The following SLC26A8 variants were observed in gnomAD, a reference collection of about 807,000 sequenced individuals.
SLC26A8 encodes the protein testis anion transporter 1.
SLC26A8 carries 70 observed loss-of-function variants against 105.0 expected under a neutral mutation model. That is an observed-to-expected ratio of 0.67 (90% confidence interval 0.55 to 0.81). The LOEUF (loss-of-function observed/expected upper bound fraction) is 0.81. Among genes scored for constraint, SLC26A8 ranks in the 40% least tolerant of loss-of-function variants. SLC26A8 has a pLI of 0.00. For missense variants in SLC26A8, 998 were observed against 1,181.8 expected (o/e 0.84, Z 2.28); for synonymous variants, 415 against 438.3 (o/e 0.95, Z 0.66).
intron 7 of SLC26A8, chr6:35,989,628 A>T (rs1262617766): frequency 6.6e-6 from 1 of 152,190 alleles, no homozygotes; most frequent in Non-Finnish European, 1.5e-5. Context: ...ATGTTCTAGG[A>T]TCTTGGCAGC....
Position 35,955,368 on chromosome 6 carries a change from A to C in SLC26A8, c.2016T>G (p.Asn672Lys), listed in dbSNP as rs772505303. ...CCACCTCCTCATACTGTTGCCCTTGATTTTTCTGAGACACGGACGATACTG... is the reference window on the plus strand; with the variant it reads ...CCACCTCCTCATACTGTTGCCCTTGCTTTTTCTGAGACACGGACGATACTG... ...PYTVSSVSQK[N>K]QGQQYEEVEE... The change falls in exon 17 of 20, where the codon AAT becomes AAG. Residue 672 changes from asparagine to lysine, a missense_variant. By Grantham distance (94) the Asn-to-Lys change is moderately conservative (BLOSUM62 0). Transcript: ENST00000490799. The C allele has an allele frequency of 1.2e-6, 2 of 1,614,078 alleles. No individual in the cohort carries two copies. Among genetic ancestry groups the C allele is most frequent in the South Asian group, 1.1e-5 (1 of 91,078 alleles).
In SLC26A8 at chr6:35,981,570, T is replaced by C. The variant is rs1339722714; in HGVS notation, c.1025+551A>G. Among the ~76,000 whole-genome samples, 2 of 152,174 alleles carry C rather than the reference T, an allele frequency of 1.3e-5. No homozygotes were observed. Among genetic ancestry groups the C allele is most frequent in the East Asian group, 3.9e-4 (2 of 5,188 alleles). On this transcript the variant is annotated intron_variant, in intron 8 of 19. Coordinates refer to ENST00000490799, the MANE Select transcript of SLC26A8 (RefSeq NM_052961.4). The surrounding 1 kb of genome is among the most constrained non-coding windows in gnomAD (Gnocchi z 4.0). ...AGAGAGCTGAGGAGGGAGGATCACT[T>C]GAGCCTGAGAATTCAAGGCTGCAGT... is the stretch of plus-strand genomic sequence containing the variant.
chr6:36,011,210 T>C (rs1398470784), intron 3 of SLC26A8, among the ~76,000 whole-genome samples: 1 of 152,236 alleles, frequency 6.6e-6, no homozygotes, highest in Non-Finnish European at 1.5e-5. Flanking sequence ...TCTGTTTCCC[T>C]GGAAACCTTA....
intron 12 of SLC26A8, 126 bp from the exon 13 acceptor site, chr6:35,961,225 C>T (rs1044436797): frequency 5.5e-6 from 4 of 730,330 alleles, no homozygotes; most frequent in Non-Finnish European, 9.0e-6. Context: ...GGGAAATATT[C>T]CATAGCCACA....
rs1346947542 is a variant in SLC26A8, at chr6:35,961,046, T to G, written c.1515A>C (p.Gly505=). The G allele has an allele frequency of 6.2e-7, 1 of 1,614,002 alleles. No individual in the cohort carries two copies. Among genetic ancestry groups the G allele is most frequent in the South Asian group, 1.1e-5 (1 of 91,070 alleles). The change falls in exon 13 of 20, where the codon GGA becomes GGC. Residue 505 remains glycine, a synonymous_variant. Coordinates refer to ENST00000490799, the MANE Select transcript of SLC26A8 (RefSeq NM_052961.4). ...SSSIFLGLDI[G]LIISVVSAFF... is the part of the protein sequence containing the mutation. ...AAGCAGAAACTACTGAGATAATTAG[T>G]CCAATGTCCAGTCCCAGGAAAATTG...
Position 35,955,017 on chromosome 6 carries a change from G to A in SLC26A8, c.2232+135C>T, listed in dbSNP as rs1772001276. 5 of 924,592 alleles carry A rather than the reference G, an allele frequency of 5.4e-6. No homozygotes were observed. In the African/African-American group the frequency reaches 8.2e-5, roughly 15 times the overall value. 57.3% of individuals were successfully genotyped at this position (924,592 alleles called of 1,614,324 possible). On this transcript the variant is annotated intron_variant, in intron 17 of 19. Transcript: ENST00000490799. ...ATTGACCTTATATTGTACTGCCTTT[G>A]GTGTCCAAGGCTCTGGTGGCCTAGC...
At chr6:36,006,763 G>C (rs1761699576) in intron 3 of SLC26A8, among the ~76,000 whole-genome samples, 1 of 152,132 alleles carries the variant, frequency 6.6e-6, no homozygotes, top group Non-Finnish European at 1.5e-5. Context: ...TCTTTTTGCA[G>C]GAATGCAACT....
intron 5 of SLC26A8, among the ~76,000 whole-genome samples, chr6:35,993,580 A>G (rs921384299): frequency 6.6e-6 from 1 of 152,162 alleles, no homozygotes; most frequent in Admixed American, 6.5e-5. Flanking sequence ...GTTATATAGT[A>G]TATAATAAAA....
chr6:35,966,567 TA>T (rs997563057), intron 11 of SLC26A8, among the ~76,000 whole-genome samples: 9 of 152,218 alleles, frequency 5.9e-5, no homozygotes, highest in African/African-American at 1.7e-4. Flanking sequence ...AAAATTGGAA[TA>T]ATATTGAATA....
At position 36,024,615 on chromosome 6, in the gene SLC26A8, C is replaced by T. The variant is rs534357096; in HGVS notation, c.-114G>A. On this transcript the variant is annotated 5_prime_UTR_variant, in exon 1 of 20. Coordinates refer to ENST00000490799, the MANE Select transcript of SLC26A8 (RefSeq NM_052961.4). ...GCGGCGGTTCCCGAGCCGTTGTGGCCTAGCCCGCGGGCGTTCCGGGCGGGC... is the reference window on the plus strand; with the variant it reads ...GCGGCGGTTCCCGAGCCGTTGTGGCTTAGCCCGCGGGCGTTCCGGGCGGGC... The T allele has an allele frequency of 7.8e-5, 30 of 384,824 alleles. No individual in the cohort carries two copies. In the East Asian group the frequency reaches 1.5e-3, roughly 20 times the overall value. 23.8% of individuals were successfully genotyped at this position (384,824 alleles called of 1,614,324 possible). A position where few individuals can be genotyped will look rare whatever the true frequency, so the allele number is the denominator to read the frequency against.
chr6:36,020,367 T>C (rs948261736), intron 1 of SLC26A8, among the ~76,000 whole-genome samples: 3 of 152,194 alleles, frequency 2.0e-5, no homozygotes, highest in Non-Finnish European at 4.4e-5. Flanking sequence ...GACTGCCAAG[T>C]ATACAGTTAG....
At chr6:36,018,701 A>T (rs1452865835) in intron 2 of SLC26A8, among the ~76,000 whole-genome samples, 2 of 152,254 alleles carry the variant, frequency 1.3e-5, no homozygotes, top group African/African-American at 4.8e-5. Context: ...TTAAAAAATT[A>T]TTCTGAAAGA....
At chr6:35,962,225 CAAAA>C (rs35900014) in intron 12 of SLC26A8, among the ~76,000 whole-genome samples, 3 of 116,490 alleles carry the variant, frequency 2.6e-5, no homozygotes, top group Admixed American at 1.9e-4. Context: ...GACTCCGTCT[CAAAA>C]AAAAAAAAAA....
intron 2 of SLC26A8, among the ~76,000 whole-genome samples, chr6:36,013,301 A>T (rs1581698090): frequency 2.0e-5 from 3 of 151,972 alleles, no homozygotes; most frequent in Admixed American, 2.0e-4. Context: ...GGTTCAAGCA[A>T]TTCTCCTGCC....
At chr6:35,946,843 A>G (rs1187822876) in intron 19 of SLC26A8, among the ~76,000 whole-genome samples, 1 of 151,408 alleles carries the variant, frequency 6.6e-6, no homozygotes, top group Non-Finnish European at 1.5e-5. Flanking sequence ...ATGCACCATC[A>G]TACCTGGCTG....
At chr6:35,988,455 G>A (rs912678851) in intron 7 of SLC26A8, among the ~76,000 whole-genome samples, 4 of 151,958 alleles carry the variant, frequency 2.6e-5, no homozygotes, top group African/African-American at 4.8e-5. Context: ...CCAACATGGC[G>A]AAACCCCCAT....
chr6:36,007,020 G>T (rs1247429668), intron 3 of SLC26A8, among the ~76,000 whole-genome samples: 3 of 152,142 alleles, frequency 2.0e-5, no homozygotes, highest in Non-Finnish European at 4.4e-5. Flanking sequence ...AAATCCTACA[G>T]CTAACATCAT....
At chr6:35,990,398 A>C (rs1773716488) in intron 7 of SLC26A8, 1 of 203,142 alleles carries the variant, frequency 4.9e-6, no homozygotes, top group Non-Finnish European at 9.8e-6. Context: ...CCCTTTGTGA[A>C]TGCATCTGGT....
chr6:35,945,564 TCC>T (rs1417039413), intron 19 of SLC26A8, among the ~76,000 whole-genome samples: 1 of 152,158 alleles, frequency 6.6e-6, no homozygotes, highest in Non-Finnish European at 1.5e-5. Flanking sequence ...TGCGTGCCAT[TCC>T]CTTTGCCTAC....
Sources: gnomAD v4.1 joint callset for allele counts (sites outside exome capture counted in the v4.1 genomes callset) on GRCh38, gnomAD v4.1.1 for gene constraint, Gnocchi (gnomAD v3.1) non-coding constraint, MANE v1.5 for transcripts, NCBI Gene and HGNC (gene_info 2026-07-23, HGNC 2026-07-21) for gene names.